PDE11A: variants seen among roughly 807,000 people sequenced by gnomAD.
PDE11A encodes the protein dual 3',5'-cyclic-AMP and -GMP phosphodiesterase 11A.
Under a neutral mutation model 100.5 loss-of-function variants are expected in PDE11A, and 100 were observed. The observed-to-expected ratio is 1.00, with a 90% CI of 0.85 to 1.18. The LOEUF (loss-of-function observed/expected upper bound fraction) is 1.18, where lower values mean the gene tolerates loss of function less well. Among genes scored for constraint, PDE11A ranks in the 50% most tolerant of loss-of-function variants. The pLI, the probability that PDE11A is intolerant of heterozygous loss-of-function variation, is 0.00. For synonymous variants in PDE11A, 381 were observed against 420.8 expected (o/e 0.91, Z 1.16); for missense variants, 1,141 against 1,152.6 (o/e 0.99, Z 0.15).
Position 178,072,058 on chromosome 2 carries a change from C to G in PDE11A, c.380G>C (p.Arg127Pro). 1.2e-6 allele frequency: 2 copies of G among 1,613,758 alleles called. No individual in the cohort carries two copies. The part of the protein sequence containing the change: ...SQKELRKSFA[R>P]SKAIHVNRTY... ...CCTGTTCACGTGGATGGCCTTGGAG[C>G]GGGCAAAACTCTTCCTTAGCTCTTT... The change falls in exon 1 of 20, where the codon CGC becomes CCC. Residue 127 changes from arginine to proline, a missense_variant. Arg to Pro is a moderately radical substitution (Grantham distance 103). Transcript: ENST00000286063.
intron 2 of PDE11A, among the ~76,000 whole-genome samples, chr2:177,919,389 G>T (rs188492145): frequency 6.6e-6 from 1 of 152,088 alleles, no homozygotes; most frequent in African/African-American, 2.4e-5. Flanking sequence ...GAGCCACTGC[G>T]CCTGGCCAGA....
At chr2:178,049,896 C>A (rs2086799889) in intron 1 of PDE11A, among the ~76,000 whole-genome samples, 1 of 152,188 alleles carries the variant, frequency 6.6e-6, no homozygotes, top group South Asian at 2.1e-4. Flanking sequence ...AGGAAGCCTG[C>A]CTGCCTCTGT....
At chr2:177,697,171 T>A (rs1026519696) in intron 15 of PDE11A, among the ~76,000 whole-genome samples, 161 bp downstream of exon 15, 7 of 152,218 alleles carry the variant, frequency 4.6e-5, no homozygotes, top group Non-Finnish European at 7.3e-5. Flanking sequence ...ACCACTTTAA[T>A]GGACTTCATT....
At position 177,886,802 on chromosome 2, in the gene PDE11A, T is replaced by G. The variant is rs76880991; in HGVS notation, c.1303-10879A>C. ...TCTTTTCCAAAAACAGAGCAAAGAC[T>G]GATAAAACACAGAGGAAATCAGAAA... On this transcript the variant is annotated intron_variant, in intron 4 of 19. Coordinates refer to ENST00000286063, the MANE Select transcript of PDE11A (RefSeq NM_016953.4). Among the ~76,000 whole-genome samples, 495 of 151,904 alleles carry G rather than the reference T, an allele frequency of 3.3e-3. 7 individuals carry two copies. The highest frequency in any genetic ancestry group is 0.014 in the East Asian group (72 of 5,162).
At chr2:177,998,210 A>G in intron 2 of PDE11A, 1 of 836,814 alleles carries the variant, frequency 1.2e-6, no homozygotes, top group Non-Finnish European at 2.1e-6. Context: ...ATTCTTCATG[A>G]GTCACATCTT....
chr2:177,938,396 T>A (rs1440355212), intron 2 of PDE11A, among the ~76,000 whole-genome samples: 1 of 152,178 alleles, frequency 6.6e-6, no homozygotes, highest in Non-Finnish European at 1.5e-5. Flanking sequence ...TAAAGGTGTG[T>A]GGTGCACCAG....
In PDE11A at chr2:177,939,532, GAA is replaced by G. The variant is rs1313080855; in HGVS notation, c.1072-34347_1072-34346del. 8.9e-3 allele frequency among the ~76,000 whole-genome samples: 479 copies of G among 53,854 alleles called. 2 individuals are homozygous for G. The highest frequency in any genetic ancestry group is 0.025 in the African/African-American group (331 of 13,272). The allele number at this position is 53,854 out of a possible 152,430, so 35.3% of individuals were successfully genotyped here. A position where few individuals can be genotyped will look rare whatever the true frequency, so the allele number is the denominator to read the frequency against. ...GGAGGGAGGGAAGGGAGGGAGGGAG[GAA>G]GGAAGGAAGGAAGGAAGGAAGGAAG... is the stretch of plus-strand genomic sequence containing the variant. On this transcript the variant is annotated intron_variant, in intron 2 of 19. Coordinates refer to ENST00000286063, the MANE Select transcript of PDE11A (RefSeq NM_016953.4).
intron 10 of PDE11A, among the ~76,000 whole-genome samples, chr2:177,745,151 C>T (rs2081930832): frequency 6.6e-6 from 1 of 152,160 alleles, no homozygotes; most frequent in Admixed American, 6.5e-5. Context: ...ACCTTTCCTT[C>T]TTATCCCAAG....
intron 1 of PDE11A, among the ~76,000 whole-genome samples, chr2:178,032,470 C>T (rs939046168): frequency 2.1e-5 from 3 of 140,096 alleles, no homozygotes; most frequent in Non-Finnish European, 4.6e-5. Context: ...GGCAACAGAG[C>T]GAGACCCCAT....
At chr2:177,727,136 C>T (rs771575346) in intron 12 of PDE11A, among the ~76,000 whole-genome samples, 4 of 152,054 alleles carry the variant, frequency 2.6e-5, no homozygotes, top group East Asian at 1.9e-4. Context: ...TAAAACCCCA[C>T]GGGACGAGAT....
In PDE11A at chr2:177,629,147, G is replaced by A. The variant is rs969015185; in HGVS notation, c.*260C>T. 2 of 511,644 alleles carry A rather than the reference G, an allele frequency of 3.9e-6. No individual in the cohort carries two copies. The highest frequency in any genetic ancestry group is 1.9e-5 in the African/African-American group (1 of 52,136). The allele number at this position is 511,644 out of a possible 1,614,324, so 31.7% of individuals were successfully genotyped here. A position where few individuals can be genotyped will look rare whatever the true frequency, so the allele number is the denominator to read the frequency against. ...GATCCAAAACAGTCCCCTACCCAGAGCCTTCATTTCAGCCCATGCGTGTTC... is the reference window on the plus strand; with the variant it reads ...GATCCAAAACAGTCCCCTACCCAGAACCTTCATTTCAGCCCATGCGTGTTC... On this transcript the variant is annotated 3_prime_UTR_variant, in exon 20 of 20. Coordinates refer to ENST00000286063, the MANE Select transcript of PDE11A (RefSeq NM_016953.4).
At chr2:177,981,308 C>T (rs1309107455) in intron 2 of PDE11A, among the ~76,000 whole-genome samples, 1 of 150,506 alleles carries the variant, frequency 6.6e-6, no homozygotes, top group East Asian at 1.9e-4. Context: ...CTTAGAACGA[C>T]TGAAATGTAT....
intron 10 of PDE11A, among the ~76,000 whole-genome samples, chr2:177,736,834 A>G (rs2081791574): frequency 6.6e-6 from 1 of 152,218 alleles, no homozygotes; most frequent in African/African-American, 2.4e-5. Context: ...TAAGGACTTT[A>G]GCTCATTAGC....
Position 178,072,580 on chromosome 2 carries a change from G to T in PDE11A, c.-143C>A, listed in dbSNP as rs2087151998. On this transcript the variant is annotated 5_prime_UTR_variant, in exon 1 of 20. Coordinates refer to ENST00000286063, the MANE Select transcript of PDE11A (RefSeq NM_016953.4). ...TCCCCTGGAGATTATTCCCAGCAGTGGAATCTGGGAGATGCCCCTTCCTTC... is the reference window on the plus strand; with the variant it reads ...TCCCCTGGAGATTATTCCCAGCAGTTGAATCTGGGAGATGCCCCTTCCTTC... 2 of 1,524,842 alleles carry T rather than the reference G, an allele frequency of 1.3e-6. No individual in the cohort carries two copies. The highest frequency in any genetic ancestry group is 1.4e-5 in the African/African-American group (1 of 72,830). The allele number at this position is 1,524,842 out of a possible 1,614,324, so 94.5% of individuals were successfully genotyped here. A position where few individuals can be genotyped will look rare whatever the true frequency, so the allele number is the denominator to read the frequency against.
At chr2:177,675,161 A>C (rs942784303) in intron 17 of PDE11A, among the ~76,000 whole-genome samples, 1 of 151,912 alleles carries the variant, frequency 6.6e-6, no homozygotes, top group Non-Finnish European at 1.5e-5. Context: ...CAAAAATCCT[A>C]TCTTTGAAAC....
At chr2:178,008,002 G>A (rs1183385500) in intron 2 of PDE11A, among the ~76,000 whole-genome samples, 1 of 151,986 alleles carries the variant, frequency 6.6e-6, no homozygotes, top group South Asian at 2.1e-4. Flanking sequence ...CATCTCACCT[G>A]GCCTTAATTA....
At chr2:178,061,619 G>T (rs986394274) in intron 1 of PDE11A, among the ~76,000 whole-genome samples, 1 of 152,268 alleles carries the variant, frequency 6.6e-6, no homozygotes, top group Admixed American at 6.5e-5. Context: ...AAAGAGAGGA[G>T]GTGGCTCGGA....
At chr2:177,936,922 T>TAA (rs527277443) in intron 2 of PDE11A, among the ~76,000 whole-genome samples, 2 of 146,668 alleles carry the variant, frequency 1.4e-5, no homozygotes, top group Non-Finnish European at 1.5e-5. Context: ...GATTCCATCT[T>TAA]AAAAAAAAAA....
upstream of PDE11A, among the ~76,000 whole-genome samples, chr2:178,077,191 C>T (rs945416067): frequency 2.0e-5 from 3 of 151,736 alleles, no homozygotes; most frequent in African/African-American, 7.3e-5. Context: ...GGGAGCCACT[C>T]ATCCAACAAT....
Sources: allele counts gnomAD v4.1 joint callset (sites outside exome capture counted in the v4.1 genomes callset), GRCh38; gene constraint gnomAD v4.1.1; transcripts MANE v1.5; gene names NCBI Gene and HGNC (gene_info 2026-07-23, HGNC 2026-07-21).